NOS1AP: variants seen among roughly 807,000 people sequenced by gnomAD.
The protein encoded by NOS1AP is nitric oxide synthase 1 adaptor protein, also known as carboxyl-terminal PDZ ligand of neuronal nitric oxide synthase protein.
NOS1AP carries 21 observed loss-of-function variants against 56.2 expected under a neutral mutation model. The observed-to-expected ratio is 0.37, with a 90% CI of 0.26 to 0.54. The LOEUF is 0.54. NOS1AP is among the 20% of genes least tolerant of loss of function. NOS1AP has a pLI of 0.84. For missense variants in NOS1AP, 522 were observed against 657.8 expected (o/e 0.79, Z 2.26); for synonymous variants, 270 against 274.6 (o/e 0.98, Z 0.17).
intron 1 of NOS1AP, among the ~76,000 whole-genome samples, chr1:162,115,416 A>G (rs1324359923): frequency 1.3e-5 from 2 of 151,694 alleles, no homozygotes; most frequent in Non-Finnish European, 2.9e-5. Flanking sequence ...TTTTTAAAGA[A>G]GGTAAGAATC....
chr1:162,336,305 G>A (rs1438682404), intron 5 of NOS1AP, among the ~76,000 whole-genome samples: 1 of 152,184 alleles, frequency 6.6e-6, no homozygotes, highest in Non-Finnish European at 1.5e-5. Flanking sequence ...CATAATGTGT[G>A]TAAAGACTCA....
intron 2 of NOS1AP, among the ~76,000 whole-genome samples, chr1:162,245,713 T>A (rs1420457851): frequency 1.3e-5 from 2 of 152,210 alleles, no homozygotes; most frequent in Non-Finnish European, 2.9e-5. Context: ...CTAATCAAGT[T>A]TGGTAGAGAA....
At chr1:162,075,793 G>C (rs974481461) in intron 1 of NOS1AP, among the ~76,000 whole-genome samples, 1 of 151,892 alleles carries the variant, frequency 6.6e-6, no homozygotes, top group Admixed American at 6.5e-5. Flanking sequence ...TTGGTGGGGG[G>C]CAGTGAGTTC....
chr1:162,071,501 CT>C (rs1353632967), intron 1 of NOS1AP, among the ~76,000 whole-genome samples: 1 of 152,030 alleles, frequency 6.6e-6, no homozygotes, highest in Admixed American at 6.6e-5. Flanking sequence ...TGAAGCTCAC[CT>C]TTTTTTCCCC....
chr1:162,364,235 C>A, intron 8 of NOS1AP: 2 of 985,502 alleles, frequency 2.0e-6, no homozygotes, highest in Non-Finnish European at 2.4e-6. Context: ...ACCTCTCCTG[C>A]CCCCACTCAC....
intron 2 of NOS1AP, among the ~76,000 whole-genome samples, chr1:162,258,328 G>T (rs183228891): frequency 6.6e-6 from 1 of 152,294 alleles, no homozygotes; most frequent in Admixed American, 6.5e-5. Flanking sequence ...TGTAAACAGT[G>T]ACTCCTTACC....
In NOS1AP at chr1:162,347,471, G is replaced by A. The variant is rs386045; in HGVS notation, c.595+3495G>A. ...TATTATCACAGAACAACCATCGGAG[G>A]AATTTAATCTAATCTCCAAGTACTT... is the stretch of plus-strand genomic sequence containing the variant. On this transcript the variant is annotated intron_variant, in intron 6 of 9. Coordinates refer to ENST00000361897, the MANE Select transcript of NOS1AP (RefSeq NM_014697.3). Among the ~76,000 whole-genome samples the A allele has an allele frequency of 3.8e-3, 583 of 152,308 alleles. 2 individuals are homozygous for A. Among genetic ancestry groups the A allele is most frequent in the Non-Finnish European group, 6.2e-3 (424 of 68,026 alleles).
chr1:162,160,928 G>A (rs1256016543), intron 2 of NOS1AP, among the ~76,000 whole-genome samples: 1 of 152,152 alleles, frequency 6.6e-6, no homozygotes, highest in Admixed American at 6.5e-5. Flanking sequence ...GTTCCTTCTG[G>A]AGGTTCTAGA....
chr1:162,265,563 AT>A (rs60200369), intron 2 of NOS1AP, among the ~76,000 whole-genome samples: 4,206 of 151,952 alleles, frequency 0.028, 76 homozygotes, highest in Non-Finnish European at 0.038. Flanking sequence ...TGAACTCATC[AT>A]TTTTTTATGG....
intron 1 of NOS1AP, among the ~76,000 whole-genome samples, chr1:162,117,915 G>C (rs187558454): frequency 5.1e-4 from 77 of 152,292 alleles, no homozygotes; most frequent in Middle Eastern, 6.8e-3. Context: ...CTGGTCATCA[G>C]ATGATGGACA....
intron 2 of NOS1AP, among the ~76,000 whole-genome samples, chr1:162,202,556 TTTCCTC>T: frequency 6.6e-6 from 1 of 152,316 alleles, no homozygotes; most frequent in East Asian, 1.9e-4. Flanking sequence ...TGTCTAATCA[TTTCCTC>T]TAATGTGGGC....
At chr1:162,187,632 C>A (rs1488967477) in intron 2 of NOS1AP, among the ~76,000 whole-genome samples, 1 of 152,178 alleles carries the variant, frequency 6.6e-6, no homozygotes, top group Non-Finnish European at 1.5e-5. Context: ...ATGTGTTGGG[C>A]TTTCTACCAC....
intron 1 of NOS1AP, among the ~76,000 whole-genome samples, chr1:162,148,783 T>C (rs1487408981): frequency 6.6e-6 from 1 of 152,146 alleles, no homozygotes; most frequent in Non-Finnish European, 1.5e-5. Flanking sequence ...CAGAGGGCCA[T>C]GTGGGTACTG....
chr1:162,347,141 A>G (rs560746934), intron 6 of NOS1AP, among the ~76,000 whole-genome samples: 2 of 152,234 alleles, frequency 1.3e-5, no homozygotes, highest in African/African-American at 2.4e-5. Context: ...ACAGAAACCA[A>G]TCTGCTCATT....
At chr1:162,288,022 C>T (rs1364873746) in intron 3 of NOS1AP, among the ~76,000 whole-genome samples, 1 of 152,064 alleles carries the variant, frequency 6.6e-6, no homozygotes, top group Non-Finnish European at 1.5e-5. Context: ...ATCCATTCAG[C>T]GTGAGTTGGG....
intron 2 of NOS1AP, among the ~76,000 whole-genome samples, chr1:162,261,267 ATTTAATTACAATATTTTATAACC>A (rs1374453753): frequency 7.2e-6 from 1 of 138,276 alleles, no homozygotes; most frequent in African/African-American, 2.8e-5. Flanking sequence ...AATCAATAAC[ATTTAATTACAATATTTTATAACC>A]TTTCATGTCC....
At chr1:162,087,117 G>A (rs1458332247) in intron 1 of NOS1AP, among the ~76,000 whole-genome samples, 2 of 152,172 alleles carry the variant, frequency 1.3e-5, no homozygotes, top group East Asian at 3.8e-4. Context: ...TAGCCACTCA[G>A]TAAAGACACA....
chr1:162,270,354 C>A (rs1269495126), intron 2 of NOS1AP, among the ~76,000 whole-genome samples: 1 of 152,030 alleles, frequency 6.6e-6, no homozygotes, highest in South Asian at 2.1e-4. Context: ...AGAGCTGAAC[C>A]TATATAGCGC....
intron 4 of NOS1AP, among the ~76,000 whole-genome samples, chr1:162,309,711 G>C (rs1222059185): frequency 1.3e-5 from 2 of 152,158 alleles, no homozygotes; most frequent in East Asian, 3.9e-4. Context: ...ACTTGGTAGT[G>C]AAAGAAAGGA....
Sources: gnomAD v4.1 joint callset for allele counts (sites outside exome capture counted in the v4.1 genomes callset) on GRCh38, gnomAD v4.1.1 for gene constraint, MANE v1.5 for transcripts, NCBI Gene and HGNC (gene_info 2026-07-23, HGNC 2026-07-21) for gene names.